Variants in ITIH3 observed in about 807,000 individuals in gnomAD.
ITIH3 encodes inter-alpha-trypsin inhibitor heavy chain 3.
Under a neutral mutation model 96.5 loss-of-function variants are expected in ITIH3, and 81 were observed. That is an observed-to-expected ratio of 0.84 (90% CI 0.70 to 1.01). The LOEUF (loss-of-function observed/expected upper bound fraction) is 1.01. Among genes scored for constraint, ITIH3 ranks in the 50% least tolerant of loss-of-function variants. The pLI is 0.00. For missense variants in ITIH3, 1,057 were observed against 1,139.3 expected, an observed-to-expected ratio of 0.93 and a Z score of 1.04; for synonymous variants, 422 against 445.2, an observed-to-expected ratio of 0.95 and a Z score of 0.66.
At chr3:52,804,882 G>A in intron 15 of ITIH3, 148 bp downstream of exon 15, 1 of 839,290 alleles carries the variant, frequency 1.2e-6, no homozygotes, top group Non-Finnish European at 1.9e-6. Flanking sequence ...GCCAAATCAT[G>A]AACGTGCCCC....
intron 12 of ITIH3, 61 bp from the exon 13 acceptor site, chr3:52,802,606 G>A: frequency 6.2e-7 from 1 of 1,611,576 alleles, no homozygotes; most frequent in South Asian, 1.1e-5. Flanking sequence ...CAGGAGTGGT[G>A]GCCCCTGAAC....
At chr3:52,797,319 C>A (rs1398958624) in intron 5 of ITIH3, 52 bp downstream of exon 5, 1 of 1,546,660 alleles carries the variant, frequency 6.5e-7, no homozygotes, top group East Asian at 2.4e-5. Flanking sequence ...GTGCAGGAAC[C>A]CGCCCATGGG....
At position 52,795,695 on chromosome 3, in the gene ITIH3, G is replaced by GGTGT; in HGVS notation, c.114+73_114+76dup. 2.0e-6 allele frequency: 3 copies of GGTGT among 1,468,794 alleles called. No homozygotes were observed. In the South Asian group the frequency reaches 3.6e-5, roughly 17 times the overall value. The allele number at this position is 1,468,794 out of a possible 1,614,324, so 91.0% of individuals were successfully genotyped here. ...TGGAGCTGGTTCCCCAACTGCTGAA[G>GGTGT]GTGTAGGCTATAACAGCTGACTCCT... On this transcript the variant is annotated intron_variant, in intron 2 of 21. Coordinates refer to ENST00000449956, the MANE Select transcript of ITIH3 (RefSeq NM_002217.4).
At chr3:52,800,033 T>C in intron 9 of ITIH3, 112 bp downstream of exon 9, 2 of 1,007,402 alleles carry the variant, frequency 2.0e-6, no homozygotes, top group South Asian at 3.3e-5. Flanking sequence ...TCTTCAGATC[T>C]GAGCTGGGGT....
rs748770625 is a variant in ITIH3 at position 52,797,120 on chromosome 3, G to T, written c.402G>T (p.Lys134Asn). The T allele has an allele frequency of 9.3e-6, 15 of 1,609,528 alleles. No homozygotes were observed. Among genetic ancestry groups the T allele is most frequent in the Non-Finnish European group, 1.2e-5 (14 of 1,178,432 alleles). The change falls in exon 5 of 22, where the codon AAG becomes AAT. Residue 134 changes from lysine to asparagine, a missense_variant. By Grantham distance (94) the Lys-to-Asn change is moderately conservative. Transcript: ENST00000449956. ...TAGLVKASGRKLEKFTVSVNV... is the reference protein window; with the variant it reads ...TAGLVKASGRNLEKFTVSVNV... Reference sequence around the variant, plus strand: ...CCCTGGTCAGGGCCTCTGGGAGGAAGTTGGAGAAGTTCACAGTCTCGGTCA... The same window carrying T: ...CCCTGGTCAGGGCCTCTGGGAGGAATTTGGAGAAGTTCACAGTCTCGGTCA...
rs768177547 is a variant in ITIH3, at chr3:52,805,911, G to A, written c.1906+71G>A. On this transcript the variant is annotated intron_variant, in intron 16 of 21. Transcript: ENST00000449956. ...TGCCCCTGCCACATGTCCCTCCACC[G>A]TGGCTACTCACTCAGCTCTCCGGGA... 6.9e-6 allele frequency: 11 copies of A among 1,585,866 alleles called. No individual in the cohort carries two copies. In the African/African-American group the frequency reaches 1.1e-4, roughly 16 times the overall value.
intron 1 of ITIH3, among the ~76,000 whole-genome samples, chr3:52,795,271 G>C (rs1699532955): frequency 6.6e-6 from 1 of 152,228 alleles, no homozygotes; most frequent in African/African-American, 2.4e-5. Flanking sequence ...GAGGCCTAAA[G>C]GGGCCTGGGG....
chr3:52,794,998 C>A, intron 1 of ITIH3, 102 bp downstream of exon 1: 2 of 958,254 alleles, frequency 2.1e-6, no homozygotes, highest in South Asian at 1.3e-5. Flanking sequence ...AGGCAGAGGG[C>A]TGGGCACTGA....
At chr3:52,808,363 G>A in intron 21 of ITIH3, 142 bp downstream of exon 21, 2 of 1,055,060 alleles carry the variant, frequency 1.9e-6, no homozygotes, top group South Asian at 3.0e-5. Context: ...CCCCTCCCAG[G>A]CTCTTGCTAA....
chr3:52,800,759 T>G, intron 10 of ITIH3, 96 bp downstream of exon 10: 1 of 1,513,096 alleles, frequency 6.6e-7, no homozygotes, highest in Non-Finnish European at 8.9e-7. Flanking sequence ...GGGGCAGCTC[T>G]TCCCTGGGTT....
Position 52,795,605 on chromosome 3 carries a change from A to G in ITIH3, c.96A>G (p.Lys32=). ...FPRSPFRLLG[K]RSLPEGVANG... ...TGTGTTTGTTTTTGTTTTTTCAGAA[A>G]CGGAGCCTCCCGGAAGGGGTAAGAA... Residue 32 remains lysine (K), a splice_region_variant and synonymous_variant, in exon 2 of 22, where the codon AAA becomes AAG. Coordinates refer to ENST00000449956, the MANE Select transcript of ITIH3 (RefSeq NM_002217.4). 7 of 1,612,176 alleles carry G rather than the reference A, an allele frequency of 4.3e-6. No homozygotes were observed. The highest frequency in any genetic ancestry group is 4.5e-5 in the East Asian group (2 of 44,846).
At chr3:52,799,127 C>T (rs532544928) in intron 7 of ITIH3, 36 bp downstream of exon 7, 13 of 1,609,668 alleles carry the variant, frequency 8.1e-6, no homozygotes, top group East Asian at 2.2e-5. Context: ...CAGGGTGGGG[C>T]GAGGGCTGGT....
rs1234489961 is a variant in ITIH3, at chr3:52,797,229, C to T, written c.511C>T (p.Leu171Phe). 1.9e-6 allele frequency: 3 copies of T among 1,607,196 alleles called. No individual in the cohort carries two copies. The highest frequency in any genetic ancestry group is 2.2e-5 in the East Asian group (1 of 44,668). ...GCACAAGGGCAAGTACGAGATGTAC[C>T]TCAAGGTCCAGCCTAAGCAACTGGT... The part of the protein sequence containing the change: ...KRHKGKYEMY[L>F]KVQPKQLVKH... Residue 171 changes from leucine (L) to phenylalanine (F), a missense_variant, in exon 5 of 22, where the codon CTC (leucine) becomes TTC (phenylalanine). Transcript: ENST00000449956.
At position 52,802,616 on chromosome 3, in the gene ITIH3, C is replaced by T; in HGVS notation, c.1570-51C>T. 7 of 1,612,748 alleles carry T rather than the reference C, an allele frequency of 4.3e-6. 1 individual carries two copies. Among genetic ancestry groups the T allele is most frequent in the Non-Finnish European group, 5.9e-6 (7 of 1,179,270 alleles). On this transcript the variant is annotated intron_variant, in intron 12 of 21. Coordinates refer to ENST00000449956, the MANE Select transcript of ITIH3 (RefSeq NM_002217.4). ...GGGTCCAGGAGTGGTGGCCCCTGAA[C>T]CTGATCCACCCAAGCCTCCAGCCCC...
intron 1 of ITIH3, 130 bp from the exon 2 acceptor site, chr3:52,795,473 G>T: frequency 1.1e-6 from 1 of 903,644 alleles, no homozygotes; most frequent in Non-Finnish European, 1.7e-6. Flanking sequence ...TATGTCTGGG[G>T]GCCACTCAGG....
At position 52,808,345 on chromosome 3, in the gene ITIH3, G is replaced by C. The variant is rs1242362530; in HGVS notation, c.2543+124G>C. On this transcript the variant is annotated intron_variant, in intron 21 of 21. Coordinates refer to ENST00000449956, the MANE Select transcript of ITIH3 (RefSeq NM_002217.4). ...GTGGGGTACCCTTGTTTCCCTTTGA[G>C]GTCTTGGCCCCTCCCAGGCTCTTGC... 4 of 1,054,198 alleles carry C rather than the reference G, an allele frequency of 3.8e-6. No homozygotes were observed. In the African/African-American group the frequency reaches 6.4e-5, roughly 17 times the overall value. The allele number at this position is 1,054,198 out of a possible 1,614,324, so 65.3% of individuals were successfully genotyped here. A position where few individuals can be genotyped will look rare whatever the true frequency, so the allele number is the denominator to read the frequency against.
At chr3:52,804,615 G>A in intron 14 of ITIH3, 111 bp from the exon 15 acceptor site, 1 of 1,149,204 alleles carries the variant, frequency 8.7e-7, no homozygotes, top group Non-Finnish European at 1.3e-6. Context: ...TGGCTGCTGG[G>A]AGGCCCACAG....
At chr3:52,806,550 T>G in intron 18 of ITIH3, 144 bp downstream of exon 18, 1 of 657,424 alleles carries the variant, frequency 1.5e-6, no homozygotes, top group South Asian at 2.0e-5. Context: ...GGGTGGGGAG[T>G]GCCCAGGGCC....
At chr3:52,799,611 G>A (rs1334017160) in intron 8 of ITIH3, 123 bp downstream of exon 8, 1 of 1,084,564 alleles carries the variant, frequency 9.2e-7, no homozygotes, top group East Asian at 2.6e-5. Context: ...GATAAGAGAA[G>A]GCTCACGGCC....
Sources: gnomAD v4.1 joint callset for allele counts (sites outside exome capture counted in the v4.1 genomes callset) on GRCh38, gnomAD v4.1.1 for gene constraint, MANE v1.5 for transcripts, NCBI Gene and HGNC (gene_info 2026-07-23, HGNC 2026-07-21) for gene names.